GLRA2: variants seen among roughly 807,000 people sequenced by gnomAD.
The protein encoded by GLRA2 is glycine receptor subunit alpha-2.
GLRA2 carries 11 observed loss-of-function variants against 31.6 expected under a neutral mutation model. The ratio of observed to expected loss-of-function variants is 0.35; its 90% CI spans 0.22 to 0.58. The LOEUF (loss-of-function observed/expected upper bound fraction) is 0.58, where lower values mean the gene tolerates loss of function less well. GLRA2 is among the 20% of genes least tolerant of loss of function. The probability of loss-of-function intolerance (pLI) is 0.84; values close to 1 mark genes in which losing one functional copy is unlikely to be tolerated. For missense variants in GLRA2, 212 were observed against 351.8 expected (o/e 0.60, Z 3.18); for synonymous variants, 132 against 134.0 (o/e 0.99, Z 0.10).
the GLRA2 span, among the ~76,000 whole-genome samples, chrX:14,452,191 A>AC: frequency 1.8e-5 from 2 of 112,150 alleles, no homozygotes; most frequent in Non-Finnish European, 3.8e-5. Flanking sequence ...AAAAGAAGAA[A>AC]CCTTCCAGGT....
At chrX:14,508,881 G>T in the GLRA2 span, among the ~76,000 whole-genome samples, 2 of 111,632 alleles carry the variant, frequency 1.8e-5, no homozygotes, top group Non-Finnish European at 3.8e-5. Context: ...TAACTCCAGA[G>T]TTCATGCTCA....
In GLRA2 at chrX:14,730,889, T is replaced by TACAC. The variant is rs1491540326; in HGVS notation, c.*405_*406insCACA. The TACAC allele has an allele frequency of 5.4e-5, 7 of 129,234 alleles. No homozygotes were observed. The highest frequency in any genetic ancestry group is 3.3e-4 in the African/African-American group (7 of 21,451). 10.7% of individuals were successfully genotyped at this position (129,234 alleles called of 1,213,427 possible). On this transcript the variant is annotated 3_prime_UTR_variant, in exon 9 of 9. Coordinates refer to ENST00000218075, the MANE Select transcript of GLRA2 (RefSeq NM_002063.4). ...CTAATTCTGGTACTGAAAAGTTAGC[T>TACAC]ATACACACACACACACACACACACA...
chrX:14,718,320 A>G (rs1482455041), intron 8 of GLRA2, among the ~76,000 whole-genome samples: 1 of 112,073 alleles, frequency 8.9e-6, no homozygotes, highest in Non-Finnish European at 1.9e-5. Flanking sequence ...CCAGTGGTCA[A>G]TCAGGAACAC....
chrX:14,626,892 T>A (rs2090594775), intron 7 of GLRA2, among the ~76,000 whole-genome samples: 1 of 111,841 alleles, frequency 8.9e-6, no homozygotes, highest in African/African-American at 3.2e-5. Context: ...GCTGCATAAT[T>A]TTATGCTTAT....
intron 2 of GLRA2, among the ~76,000 whole-genome samples, chrX:14,566,179 A>C (rs1345153464): frequency 8.9e-6 from 1 of 111,927 alleles, no homozygotes; most frequent in Non-Finnish European, 1.9e-5. Flanking sequence ...GATTACGAAT[A>C]ATTTAGATAA....
chrX:14,454,160 A>G, the GLRA2 span, among the ~76,000 whole-genome samples: 4 of 29,311 alleles, frequency 1.4e-4, no homozygotes, highest in South Asian at 9.2e-3. Flanking sequence ...AGAACTAAAC[A>G]CACCCACACA....
rs945196528 is a variant in GLRA2 at position 14,572,485 on chromosome X, T to C, written c.203-1848T>C. Reference sequence around the variant, plus strand: ...CTTGCCTCTGCCTTGTCTAATTTATTTCTCATTAGCAGAAAAATCTTTGTT... The same window carrying C: ...CTTGCCTCTGCCTTGTCTAATTTATCTCTCATTAGCAGAAAAATCTTTGTT... On this transcript the variant is annotated intron_variant, in intron 2 of 8. Transcript: ENST00000218075. Among the ~76,000 whole-genome samples the C allele has an allele frequency of 4.5e-5, 5 of 112,257 alleles. No homozygotes were observed. In the South Asian group the frequency reaches 1.1e-3, roughly 25 times the overall value.
At chrX:14,571,263 C>T (rs2089878942) in intron 2 of GLRA2, among the ~76,000 whole-genome samples, 1 of 111,931 alleles carries the variant, frequency 8.9e-6, no homozygotes, top group South Asian at 3.7e-4. Flanking sequence ...GTTTACAGAG[C>T]ACATTCATTC....
intron 7 of GLRA2, among the ~76,000 whole-genome samples, chrX:14,687,322 C>T (rs62586534): frequency 0.11 from 12,718 of 111,105 alleles, 688 homozygotes; most frequent in Non-Finnish European, 0.16. Flanking sequence ...GTGGCATTCT[C>T]TGTATTTCCT....
At chrX:14,685,853 A>G (rs1278694583) in intron 7 of GLRA2, among the ~76,000 whole-genome samples, 3 of 111,450 alleles carry the variant, frequency 2.7e-5, no homozygotes, top group African/African-American at 6.5e-5. Context: ...GCCTTCTGCT[A>G]GCTTCTGAAT....
chrX:14,456,862 G>A, the GLRA2 span, among the ~76,000 whole-genome samples: 1 of 111,900 alleles, frequency 8.9e-6, no homozygotes, highest in Non-Finnish European at 1.9e-5. Context: ...CCTTTCATCT[G>A]GATATGTACC....
chrX:14,663,484 A>G (rs2091011042), intron 7 of GLRA2, among the ~76,000 whole-genome samples: 1 of 108,285 alleles, frequency 9.2e-6, no homozygotes, highest in Non-Finnish European at 1.9e-5. Flanking sequence ...TAAAGCAAGC[A>G]TAACAATCAT....
chrX:14,462,098 T>C, the GLRA2 span, among the ~76,000 whole-genome samples: 4 of 112,000 alleles, frequency 3.6e-5, no homozygotes, highest in East Asian at 5.6e-4. Flanking sequence ...ATTTCTCCTT[T>C]GCTTATGAAG....
the GLRA2 span, among the ~76,000 whole-genome samples, chrX:14,481,799 T>C: frequency 1.8e-5 from 2 of 110,302 alleles, no homozygotes; most frequent in Non-Finnish European, 3.8e-5. Context: ...CACACATGTA[T>C]GTGCATACAC....
chrX:14,482,333 C>G, the GLRA2 span, among the ~76,000 whole-genome samples: 2 of 111,436 alleles, frequency 1.8e-5, no homozygotes, highest in Non-Finnish European at 3.8e-5. Context: ...TTATAGGCAA[C>G]TATTACATGA....
At chrX:14,489,671 G>A in the GLRA2 span, among the ~76,000 whole-genome samples, 1 of 111,644 alleles carries the variant, frequency 9.0e-6, no homozygotes, top group Admixed American at 9.5e-5. Flanking sequence ...GTCGGTCAGA[G>A]GCTCTGCCAA....
At chrX:14,582,227 C>T (rs1245915426) in intron 4 of GLRA2, among the ~76,000 whole-genome samples, 2 of 86,905 alleles carry the variant, frequency 2.3e-5, no homozygotes, top group African/African-American at 9.5e-5. Flanking sequence ...CTCCCCACCC[C>T]CACAACAGTC....
chrX:14,466,453 G>A, the GLRA2 span, among the ~76,000 whole-genome samples: 1 of 111,454 alleles, frequency 9.0e-6, no homozygotes, highest in East Asian at 2.8e-4. Context: ...TTGGCCTCTG[G>A]AGACACCACT....
chrX:14,555,764 G>A lies in GLRA2; in HGVS notation c.203-18569G>A, dbSNP rs140780617. Among the ~76,000 whole-genome samples the A allele has an allele frequency of 8.3e-4, 93 of 111,934 alleles. 1 individual carries two copies. The East Asian group carries it at 0.022, about 26-fold the overall frequency. ...TGAAGAAATGAAGGCCGATTAACTG[G>A]GTTAAAATGCCTTAAAAGTTGTTCT... is the stretch of plus-strand genomic sequence containing the variant. On this transcript the variant is annotated intron_variant, in intron 2 of 8. Coordinates refer to ENST00000218075, the MANE Select transcript of GLRA2 (RefSeq NM_002063.4).
Sources: allele counts gnomAD v4.1 joint callset (sites outside exome capture counted in the v4.1 genomes callset), GRCh38; gene constraint gnomAD v4.1.1; transcripts MANE v1.5; gene names NCBI Gene and HGNC (gene_info 2026-07-23, HGNC 2026-07-21).